SIPA1L3: variants seen among roughly 807,000 people sequenced by gnomAD.
The protein encoded by SIPA1L3 is signal induced proliferation associated 1 like 3.
A neutral mutation model predicts 150.1 loss-of-function variants in SIPA1L3; 59 were observed. The observed-to-expected ratio is 0.39, with a 90% CI of 0.32 to 0.49. SIPA1L3 has a LOEUF of 0.49. Ranked by LOEUF, SIPA1L3 falls within the 20% of genes least tolerant of loss-of-function variation. The pLI is 0.86. For synonymous variants in SIPA1L3, 1,070 were observed against 1,077.6 expected (o/e 0.99, Z 0.14); for missense variants, 2,211 against 2,489.5 (o/e 0.89, Z 2.38).
intron 1 of SIPA1L3, among the ~76,000 whole-genome samples, chr19:38,005,746 A>C (rs1344093774): frequency 6.6e-6 from 1 of 152,198 alleles, no homozygotes; most frequent in African/African-American, 2.4e-5. Flanking sequence ...TGACATAAGG[A>C]GAAAGGGAAA....
In SIPA1L3 at chr19:38,170,153, A is replaced by G. The variant is rs1204646674; in HGVS notation, c.4208+5247A>G. ...GTGGGAGGGGCTTTCCTGGAGAAAG[A>G]GTCTGAGCTAGCCAGGGAAGTCAGG... On this transcript the variant is annotated intron_variant, in intron 15 of 21. Coordinates refer to ENST00000222345, the MANE Select transcript of SIPA1L3 (RefSeq NM_015073.3). 2.0e-5 allele frequency among the ~76,000 whole-genome samples: 3 copies of G among 151,432 alleles called. No individual in the cohort carries two copies. In the East Asian group the frequency reaches 5.8e-4, roughly 29 times the overall value.
At chr19:37,911,927 C>T (rs1286882809) in intron 1 of SIPA1L3, among the ~76,000 whole-genome samples, 1 of 151,874 alleles carries the variant, frequency 6.6e-6, no homozygotes, top group Admixed American at 6.6e-5. Flanking sequence ...AAAAAATTAG[C>T]CAGGCGTGGT....
chr19:38,190,866 T>C (rs1972790341), intron 16 of SIPA1L3, among the ~76,000 whole-genome samples: 1 of 152,202 alleles, frequency 6.6e-6, no homozygotes, highest in Admixed American at 6.5e-5. Flanking sequence ...CAGAAGCATA[T>C]TTTTAAATCC....
intron 1 of SIPA1L3, among the ~76,000 whole-genome samples, chr19:38,013,968 C>T (rs1195121974): frequency 5.9e-5 from 9 of 152,214 alleles, no homozygotes; most frequent in African/African-American, 1.7e-4. Context: ...TAAAATACAG[C>T]GACAAAAGTC....
At chr19:37,922,719 A>G (rs1002647816) in intron 1 of SIPA1L3, among the ~76,000 whole-genome samples, 1 of 151,984 alleles carries the variant, frequency 6.6e-6, no homozygotes, top group Non-Finnish European at 1.5e-5. Context: ...TCAAGTCCTC[A>G]GTGAGGGGAG....
intron 1 of SIPA1L3, among the ~76,000 whole-genome samples, chr19:37,995,816 G>T (rs1157750205): frequency 1.3e-5 from 2 of 152,324 alleles, no homozygotes; most frequent in African/African-American, 2.4e-5. Flanking sequence ...GGGCCCACAC[G>T]TGCCATTGGG....
intron 12 of SIPA1L3, among the ~76,000 whole-genome samples, chr19:38,143,579 G>A (rs1425416126): frequency 8.4e-5 from 10 of 119,594 alleles, no homozygotes; most frequent in African/African-American, 2.7e-4. Flanking sequence ...CCACTCTGTC[G>A]CCAGACTGGA....
intron 15 of SIPA1L3, among the ~76,000 whole-genome samples, chr19:38,179,963 C>T (rs1972521746): frequency 6.6e-6 from 1 of 152,106 alleles, no homozygotes; most frequent in African/African-American, 2.4e-5. Flanking sequence ...CTGCCTCAGC[C>T]TCCTGAGTAG....
At chr19:38,148,350 CAAAAAAAA>C (rs765823221) in intron 12 of SIPA1L3, among the ~76,000 whole-genome samples, 2 of 128,792 alleles carry the variant, frequency 1.6e-5, no homozygotes, top group Non-Finnish European at 3.4e-5. Context: ...GACTCCATCT[CAAAAAAAA>C]AAAAAAAGTT....
chr19:38,108,132 G>T (rs954124630), intron 7 of SIPA1L3, among the ~76,000 whole-genome samples: 3 of 152,000 alleles, frequency 2.0e-5, no homozygotes, highest in African/African-American at 7.2e-5. Flanking sequence ...GGGTATAATC[G>T]TAGTGCCCCT....
rs75641262 is a variant in SIPA1L3, at chr19:38,088,690, G to A, written c.1535-31G>A. 7,060 of 1,608,012 alleles carry A rather than the reference G, an allele frequency of 4.4e-3. 25 individuals carry two copies. The highest frequency in any genetic ancestry group is 5.4e-3 in the Non-Finnish European group (6,367 of 1,176,808). On this transcript the variant is annotated intron_variant, in intron 3 of 21. Coordinates refer to ENST00000222345, the MANE Select transcript of SIPA1L3 (RefSeq NM_015073.3). Reference sequence around the variant, plus strand: ...CAGGGCCCCTCCTTCCCAGACAGCTGAGCCTGAACTCGCCTGCTCTTCCTT... The same window carrying A: ...CAGGGCCCCTCCTTCCCAGACAGCTAAGCCTGAACTCGCCTGCTCTTCCTT...
intron 10 of SIPA1L3, among the ~76,000 whole-genome samples, chr19:38,139,827 T>G (rs187108322): frequency 5.3e-5 from 8 of 152,270 alleles, no homozygotes; most frequent in Admixed American, 1.3e-4. Context: ...ACTTCCATGA[T>G]GGGGCCTTGA....
chr19:38,024,964 T>C (rs1968467574), intron 1 of SIPA1L3, among the ~76,000 whole-genome samples: 1 of 152,140 alleles, frequency 6.6e-6, no homozygotes, highest in Admixed American at 6.5e-5. Flanking sequence ...TCATCAGGAA[T>C]TTACCCCTCT....
chr19:37,990,860 T>C (rs1470529434), intron 1 of SIPA1L3, among the ~76,000 whole-genome samples: 5 of 152,196 alleles, frequency 3.3e-5, no homozygotes, highest in Non-Finnish European at 7.4e-5. Flanking sequence ...GTGGCATTGG[T>C]ACTGTTGTTA....
chr19:37,925,445 C>T (rs2046494742), intron 1 of SIPA1L3, among the ~76,000 whole-genome samples: 1 of 152,014 alleles, frequency 6.6e-6, no homozygotes, highest in South Asian at 2.1e-4. Context: ...GATTGAGGCC[C>T]ACATGGCTGG....
intron 8 of SIPA1L3, among the ~76,000 whole-genome samples, chr19:38,111,897 G>A (rs1286962927): frequency 6.6e-6 from 1 of 151,604 alleles, no homozygotes; most frequent in Non-Finnish European, 1.5e-5. Flanking sequence ...ACAGGCACAT[G>A]CACACACACA....
chr19:38,036,813 G>GCTCCCCCCA (rs1449148920), intron 2 of SIPA1L3, among the ~76,000 whole-genome samples: 1 of 152,106 alleles, frequency 6.6e-6, no homozygotes, highest in Admixed American at 6.5e-5. Context: ...GCTGACAGGA[G>GCTCCCCCCA]CTCCCCCCAC....
At chr19:37,992,678 G>A (rs1056128970) in intron 1 of SIPA1L3, among the ~76,000 whole-genome samples, 4 of 151,536 alleles carry the variant, frequency 2.6e-5, no homozygotes, top group African/African-American at 9.7e-5. Flanking sequence ...ATTATGAATG[G>A]GATGGTTCTA....
At chr19:38,019,942 C>A (rs1431338663) in intron 1 of SIPA1L3, among the ~76,000 whole-genome samples, 1 of 152,040 alleles carries the variant, frequency 6.6e-6, no homozygotes, top group East Asian at 1.9e-4. Flanking sequence ...TTTTAAAAAG[C>A]ATTACCCAGG....
Sources: gnomAD v4.1 joint callset for allele counts (sites outside exome capture counted in the v4.1 genomes callset) on GRCh38, gnomAD v4.1.1 for gene constraint, MANE v1.5 for transcripts, NCBI Gene and HGNC (gene_info 2026-07-23, HGNC 2026-07-21) for gene names.